Variants in ZFAT observed in about 807,000 individuals in gnomAD.
The protein encoded by ZFAT is zinc finger and AT-hook domain containing, also known as zinc finger protein ZFAT.
ZFAT carries 64 observed loss-of-function variants against 117.7 expected under a neutral mutation model. The observed-to-expected ratio is 0.54, with a 90% CI of 0.44 to 0.67. The LOEUF (loss-of-function observed/expected upper bound fraction) is 0.67, where lower values mean the gene tolerates loss of function less well. Ranked by LOEUF, ZFAT falls within the 30% of genes least tolerant of loss-of-function variation. The probability of loss-of-function intolerance (pLI) is 0.00; values close to 1 mark genes in which losing one functional copy is unlikely to be tolerated. For synonymous variants in ZFAT, 679 were observed against 615.0 expected, an observed-to-expected ratio of 1.10 and a Z score of -1.54; for missense variants, 1,433 against 1,584.5, an observed-to-expected ratio of 0.90 and a Z score of 1.62.
At chr8:134,488,484 T>C (rs1334838177) in intron 15 of ZFAT, among the ~76,000 whole-genome samples, 1 of 152,208 alleles carries the variant, frequency 6.6e-6, no homozygotes, top group African/African-American at 2.4e-5. Context: ...CGCTAAGAGA[T>C]GGGCCATTTG....
chr8:134,560,116 A>G (rs538499046), intron 11 of ZFAT, among the ~76,000 whole-genome samples: 2 of 152,280 alleles, frequency 1.3e-5, no homozygotes, highest in South Asian at 2.1e-4. Context: ...CTGGGGAGGG[A>G]GGCAGAGAGA....
the ZFAT span, among the ~76,000 whole-genome samples, chr8:134,730,621 C>G: frequency 1.3e-5 from 2 of 152,216 alleles, no homozygotes; most frequent in Non-Finnish European, 2.9e-5. Context: ...GTGTGATCCC[C>G]TGTTTAAAGA....
At chr8:134,749,661 A>G in the ZFAT span, among the ~76,000 whole-genome samples, 295 of 152,322 alleles carry the variant, frequency 1.9e-3, no homozygotes, top group Middle Eastern at 6.8e-3. Context: ...TTTTACATAC[A>G]GTATGAGGAA....
chr8:134,685,673 G>A lies in ZFAT; in HGVS notation c.19+27172C>T, dbSNP rs535296332. Among the ~76,000 whole-genome samples the A allele has an allele frequency of 5.9e-5, 9 of 152,240 alleles. No homozygotes were observed. The South Asian group carries it at 1.9e-3, about 32-fold the overall frequency. On this transcript the variant is annotated intron_variant, in intron 1 of 15. Transcript: ENST00000377838. Reference sequence around the variant, plus strand: ...CAGACCACCAGGTAAGAGGCAGACAGTCTTTTAGCAAAACAACACCGGGAG... The same window carrying A: ...CAGACCACCAGGTAAGAGGCAGACAATCTTTTAGCAAAACAACACCGGGAG...
intron 11 of ZFAT, among the ~76,000 whole-genome samples, chr8:134,536,492 A>T (rs978271477): frequency 1.3e-5 from 2 of 152,130 alleles, no homozygotes; most frequent in Admixed American, 6.5e-5. Flanking sequence ...TCTGCTGGGG[A>T]TCTTCTCTCC....
intron 11 of ZFAT, among the ~76,000 whole-genome samples, chr8:134,535,504 TCTCC>T (rs1821769224): frequency 4.7e-5 from 1 of 21,312 alleles, no homozygotes; most frequent in African/African-American, 1.9e-4. Flanking sequence ...TCCCCCTCCC[TCTCC>T]CTCCCTCTCC....
chr8:134,800,983 TA>T, the ZFAT span, among the ~76,000 whole-genome samples: 1 of 152,340 alleles, frequency 6.6e-6, no homozygotes, highest in East Asian at 1.9e-4. Flanking sequence ...GTTCCATATC[TA>T]AATGTAGCTG....
the ZFAT span, among the ~76,000 whole-genome samples, chr8:134,726,067 G>A: frequency 6.6e-6 from 1 of 152,130 alleles, no homozygotes; most frequent in South Asian, 2.1e-4. Flanking sequence ...AAACAGACAA[G>A]AGTCCTCCTT....
At chr8:134,791,581 T>C in the ZFAT span, among the ~76,000 whole-genome samples, 1 of 152,188 alleles carries the variant, frequency 6.6e-6, no homozygotes, top group Non-Finnish European at 1.5e-5. Flanking sequence ...TTTAGAGTTA[T>C]GGGATTGTGG....
the ZFAT span, chr8:134,723,556 T>G: frequency 6.6e-6 from 1 of 152,316 alleles, no homozygotes; most frequent in Non-Finnish European, 1.5e-5. Flanking sequence ...ACTCTGCGAC[T>G]TAGAGAAGGA....
chr8:134,663,101 G>T (rs557053415), intron 1 of ZFAT, among the ~76,000 whole-genome samples: 2 of 152,340 alleles, frequency 1.3e-5, no homozygotes, highest in South Asian at 4.1e-4. Context: ...CTGACCAGTG[G>T]TTTTCCTCCT....
At position 134,521,016 on chromosome 8, in the gene ZFAT, A is replaced by G; in HGVS notation, c.3116-15T>C. ...CTTCAAACCACCTGAAAGCACAGAC[A>G]GAGGTTAAAAAAAAAATGTGTTCGT... On this transcript the variant is annotated splice_polypyrimidine_tract_variant and intron_variant, in intron 12 of 15. Transcript: ENST00000377838. 6.3e-7 allele frequency: 1 copy of G among 1,597,652 alleles called. No homozygotes were observed. The highest frequency in any genetic ancestry group is 8.6e-7 in the Non-Finnish European group (1 of 1,169,090).
upstream of ZFAT, among the ~76,000 whole-genome samples, chr8:134,714,383 C>T (rs982996202): frequency 6.6e-6 from 1 of 152,172 alleles, no homozygotes; most frequent in Non-Finnish European, 1.5e-5. Context: ...GCTTCCTGAG[C>T]AGCCCTTATA....
intron 15 of ZFAT, among the ~76,000 whole-genome samples, chr8:134,481,408 G>A (rs140317212): frequency 1.6e-3 from 241 of 152,308 alleles, no homozygotes; most frequent in African/African-American, 5.7e-3. Context: ...CCATCCATGA[G>A]CTTTAACACA....
At chr8:134,699,128 C>A (rs981359390) in intron 1 of ZFAT, among the ~76,000 whole-genome samples, 6 of 152,124 alleles carry the variant, frequency 3.9e-5, no homozygotes, top group Non-Finnish European at 4.4e-5. Context: ...TTGCCCCTCA[C>A]CCCCTCCCCG....
chr8:134,817,485 A>G, the ZFAT span, among the ~76,000 whole-genome samples: 9 of 152,072 alleles, frequency 5.9e-5, no homozygotes, highest in South Asian at 1.5e-3. Flanking sequence ...TTACAGAGGC[A>G]TATACGAGAC....
intron 15 of ZFAT, among the ~76,000 whole-genome samples, chr8:134,499,914 T>C (rs958794790): frequency 6.6e-6 from 1 of 152,008 alleles, no homozygotes; most frequent in Non-Finnish European, 1.5e-5. Flanking sequence ...ACCAGATGGA[T>C]AGGAGGAGTA....
chr8:134,700,338 C>CGGGT (rs766924969), intron 1 of ZFAT, among the ~76,000 whole-genome samples: 2 of 152,194 alleles, frequency 1.3e-5, no homozygotes, highest in Non-Finnish European at 2.9e-5. Flanking sequence ...CACAAACACC[C>CGGGT]AACTCAGCAA....
chr8:134,721,195 C>T, the ZFAT span, among the ~76,000 whole-genome samples: 3 of 152,176 alleles, frequency 2.0e-5, no homozygotes, highest in African/African-American at 7.2e-5. Context: ...CTGCCTGGCC[C>T]ACTCATTCCA....
Sources: gnomAD v4.1 joint callset for allele counts (sites outside exome capture counted in the v4.1 genomes callset) on GRCh38, gnomAD v4.1.1 for gene constraint, MANE v1.5 for transcripts, NCBI Gene and HGNC (gene_info 2026-07-23, HGNC 2026-07-21) for gene names.